Variants in SLCO5A1 observed in about 807,000 individuals in gnomAD.
The protein encoded by SLCO5A1 is organic anion transporter polypeptide-related protein 4.
Under a neutral mutation model 65.1 loss-of-function variants are expected in SLCO5A1, and 39 were observed. That is an observed-to-expected ratio of 0.60 (90% CI 0.46 to 0.78). The LOEUF is 0.78. Among genes scored for constraint, SLCO5A1 ranks in the 30% least tolerant of loss-of-function variants. The pLI is 0.00. For missense variants in SLCO5A1, 1,029 were observed against 1,069.4 expected (o/e 0.96, Z 0.53); for synonymous variants, 438 against 415.7 (o/e 1.05, Z -0.65).
chr8:69,789,588 A>C (rs1819182299), intron 2 of SLCO5A1, among the ~76,000 whole-genome samples: 1 of 152,212 alleles, frequency 6.6e-6, no homozygotes, highest in Non-Finnish European at 1.5e-5. Context: ...GATGTGTATG[A>C]TGAACAAGTT....
At chr8:69,685,862 C>T (rs939591385) in intron 6 of SLCO5A1, among the ~76,000 whole-genome samples, 1 of 152,080 alleles carries the variant, frequency 6.6e-6, no homozygotes, top group African/African-American at 2.4e-5. Context: ...ACTCAGGGAT[C>T]GATGCTTATG....
chr8:69,711,919 T>C (rs889565649), intron 5 of SLCO5A1, among the ~76,000 whole-genome samples: 2 of 152,226 alleles, frequency 1.3e-5, no homozygotes, highest in African/African-American at 4.8e-5. Context: ...TGAGTTTAAA[T>C]TTGCACATAT....
intron 2 of SLCO5A1, among the ~76,000 whole-genome samples, chr8:69,826,707 A>C (rs1421990997): frequency 6.6e-6 from 1 of 152,204 alleles, no homozygotes; most frequent in African/African-American, 2.4e-5. Flanking sequence ...AACCAATGTA[A>C]ACTAGTTCAA....
chr8:69,746,894 A>G (rs1290728641), intron 4 of SLCO5A1, among the ~76,000 whole-genome samples: 1 of 152,218 alleles, frequency 6.6e-6, no homozygotes, highest in African/African-American at 2.4e-5. Context: ...CATACCTTTC[A>G]TAAGCAAACC....
chr8:69,755,340 G>A (rs1314180159), intron 4 of SLCO5A1, 84 bp downstream of exon 4: 27 of 1,103,848 alleles, frequency 2.4e-5, no homozygotes, highest in Non-Finnish European at 3.6e-5. Flanking sequence ...CAGACAGTGG[G>A]TAGACAGCAT....
At chr8:69,765,320 C>T (rs1439940168) in intron 2 of SLCO5A1, among the ~76,000 whole-genome samples, 1 of 151,078 alleles carries the variant, frequency 6.6e-6, no homozygotes, top group Non-Finnish European at 1.5e-5. Flanking sequence ...TATACATGTA[C>T]ATATATGACG....
chr8:69,672,318 G>A lies in SLCO5A1; in HGVS notation c.*551C>T, dbSNP rs916596106. On this transcript the variant is annotated 3_prime_UTR_variant, in exon 10 of 10. Transcript: ENST00000260126. Reference sequence around the variant, plus strand: ...GCTTAAAATGCTATCAACAGTACTGGATGGAAAGTTCAGCTTCCTCTTTTC... The same window carrying A: ...GCTTAAAATGCTATCAACAGTACTGAATGGAAAGTTCAGCTTCCTCTTTTC... 3.2e-5 allele frequency: 5 copies of A among 158,556 alleles called. No individual in the cohort carries two copies. Among genetic ancestry groups the A allele is most frequent in the Admixed American group, 2.4e-4 (4 of 16,908 alleles). 9.8% of individuals were successfully genotyped at this position (158,556 alleles called of 1,614,324 possible). A position where few individuals can be genotyped will look rare whatever the true frequency, so the allele number is the denominator to read the frequency against.
At chr8:69,697,936 G>T (rs143720337) in intron 6 of SLCO5A1, among the ~76,000 whole-genome samples, 4 of 151,010 alleles carry the variant, frequency 2.6e-5, no homozygotes, top group Non-Finnish European at 4.4e-5. Context: ...GTGTTAAGCG[G>T]GTTTGGTGGA....
chr8:69,676,561 A>G lies in SLCO5A1; in HGVS notation c.2089+48T>C, dbSNP rs77542143. ...TTTTAAAGGACAGTGAAAATTTGCC[A>G]TCTGCAAAGAGGAACTAAGAGGTAC... On this transcript the variant is annotated intron_variant, in intron 9 of 9. Coordinates refer to ENST00000260126, the MANE Select transcript of SLCO5A1 (RefSeq NM_030958.3). 383 of 1,539,704 alleles carry G rather than the reference A, an allele frequency of 2.5e-4. No individual in the cohort carries two copies. In the African/African-American group the frequency reaches 4.8e-3, roughly 19 times the overall value.
chr8:69,701,755 G>C (rs560861402), intron 6 of SLCO5A1, among the ~76,000 whole-genome samples: 1 of 152,070 alleles, frequency 6.6e-6, no homozygotes, highest in Non-Finnish European at 1.5e-5. Flanking sequence ...GCTGCACCCC[G>C]ACCACCTTGG....
At chr8:69,699,636 A>G (rs1814639589) in intron 6 of SLCO5A1, among the ~76,000 whole-genome samples, 1 of 152,208 alleles carries the variant, frequency 6.6e-6, no homozygotes, top group Admixed American at 6.5e-5. Flanking sequence ...CAGAAATTTG[A>G]GCAGAGCTGC....
chr8:69,718,402 C>A (rs1815656774), intron 5 of SLCO5A1, among the ~76,000 whole-genome samples: 1 of 152,072 alleles, frequency 6.6e-6, no homozygotes, highest in African/African-American at 2.4e-5. Flanking sequence ...CCTTAACTTC[C>A]CTGGGCATAA....
chr8:69,721,109 A>C (rs1815793745), intron 5 of SLCO5A1, among the ~76,000 whole-genome samples: 1 of 152,236 alleles, frequency 6.6e-6, no homozygotes, highest in Non-Finnish European at 1.5e-5. Flanking sequence ...TGATGTAAGC[A>C]AAAGTAGTAC....
intron 4 of SLCO5A1, among the ~76,000 whole-genome samples, 182 bp from the exon 5 acceptor site, chr8:69,738,386 T>TTTG (rs934899254): frequency 6.9e-6 from 1 of 144,512 alleles, no homozygotes; most frequent in African/African-American, 2.6e-5. Context: ...TTTCTTTTGT[T>TTTG]TTTTTTTTTT....
intron 2 of SLCO5A1, among the ~76,000 whole-genome samples, chr8:69,829,071 T>C (rs1373067743): frequency 2.0e-5 from 3 of 152,204 alleles, no homozygotes. Flanking sequence ...TTGATCATTA[T>C]TTTCAAAATG....
intron 3 of SLCO5A1, among the ~76,000 whole-genome samples, chr8:69,759,981 A>G (rs936198508): frequency 1.3e-5 from 2 of 152,100 alleles, no homozygotes; most frequent in African/African-American, 2.4e-5. Context: ...CTGGACTAAC[A>G]TCTCCTAAAA....
At chr8:69,739,284 C>A (rs1045125900) in intron 4 of SLCO5A1, among the ~76,000 whole-genome samples, 3 of 152,028 alleles carry the variant, frequency 2.0e-5, no homozygotes, top group Non-Finnish European at 4.4e-5. Flanking sequence ...ACGTCATATC[C>A]AAAATTTAGA....
intron 5 of SLCO5A1, among the ~76,000 whole-genome samples, chr8:69,736,220 A>G (rs966014538): frequency 1.3e-5 from 2 of 152,252 alleles, no homozygotes; most frequent in African/African-American, 4.8e-5. Context: ...TTTAGTGGCC[A>G]CTGCCTCAAC....
chr8:69,792,749 G>GA (rs1043118641), intron 2 of SLCO5A1, among the ~76,000 whole-genome samples: 6 of 152,056 alleles, frequency 3.9e-5, no homozygotes, highest in African/African-American at 1.4e-4. Context: ...GTGGCCTAGG[G>GA]AAAAAATATC....
Sources: gnomAD v4.1 joint callset for allele counts (sites outside exome capture counted in the v4.1 genomes callset) on GRCh38, gnomAD v4.1.1 for gene constraint, MANE v1.5 for transcripts, NCBI Gene and HGNC (gene_info 2026-07-23, HGNC 2026-07-21) for gene names.